The following TRPS1 variants were observed in gnomAD, a reference collection of about 807,000 sequenced individuals.
TRPS1 encodes zinc finger transcription factor Trps1.
In TRPS1, 6 loss-of-function variants were observed where a neutral mutation model predicts 101.2. That is an observed-to-expected ratio of 0.06 (90% CI 0.03 to 0.12). The LOEUF (loss-of-function observed/expected upper bound fraction) is 0.12. TRPS1 is among the 10% of genes least tolerant of loss of function. The pLI is 1.00. For synonymous variants in TRPS1, 578 were observed against 589.8 expected (o/e 0.98, Z 0.29); for missense variants, 1,363 against 1,567.0 (o/e 0.87, Z 2.20).
intron 1 of TRPS1, among the ~76,000 whole-genome samples, chr8:115,650,766 G>A (rs1811540942): frequency 1.3e-5 from 2 of 152,148 alleles, no homozygotes; most frequent in African/African-American, 4.8e-5. Context: ...TATCACTGAG[G>A]GAAACGTGAA....
intron 5 of TRPS1, among the ~76,000 whole-genome samples, chr8:115,455,980 T>C (rs906877102): frequency 6.6e-6 from 1 of 151,896 alleles, no homozygotes; most frequent in Non-Finnish European, 1.5e-5. Context: ...GAGACAGGGT[T>C]TCACCGTGTT....
intron 5 of TRPS1, among the ~76,000 whole-genome samples, chr8:115,558,617 T>A (rs1349356633): frequency 6.6e-6 from 1 of 152,216 alleles, no homozygotes; most frequent in African/African-American, 2.4e-5. Context: ...GATTTATATC[T>A]TCCCATTATT....
chr8:115,445,800 C>A (rs1813717904), intron 5 of TRPS1, among the ~76,000 whole-genome samples: 1 of 151,982 alleles, frequency 6.6e-6, no homozygotes, highest in Admixed American at 6.6e-5. Context: ...TAAGGTAATA[C>A]CTTATTGTTG....
intron 5 of TRPS1, among the ~76,000 whole-genome samples, chr8:115,537,748 A>T (rs757767958): frequency 6.6e-5 from 10 of 151,784 alleles, no homozygotes; most frequent in Admixed American, 6.5e-4. Context: ...TTTCAAAAAC[A>T]AAAAATCCAG....
chr8:115,618,881 A>G (rs754913737), intron 3 of TRPS1, among the ~76,000 whole-genome samples: 7 of 152,210 alleles, frequency 4.6e-5, no homozygotes, highest in Non-Finnish European at 1.0e-4. Flanking sequence ...AAGCTTAGCT[A>G]ATTCCATGAA....
At chr8:115,644,351 T>A (rs556575156) in intron 1 of TRPS1, among the ~76,000 whole-genome samples, 1 of 152,338 alleles carries the variant, frequency 6.6e-6, no homozygotes, top group African/African-American at 2.4e-5. Flanking sequence ...TGCTTCACCT[T>A]GTACTTTTAT....
At chr8:115,646,740 C>T (rs908918184) in intron 1 of TRPS1, among the ~76,000 whole-genome samples, 1 of 152,074 alleles carries the variant, frequency 6.6e-6, no homozygotes, top group African/African-American at 2.4e-5. Flanking sequence ...TGACGGCAAA[C>T]TGTAGTTATT....
chr8:115,622,398 C>A (rs1340236468), intron 2 of TRPS1, among the ~76,000 whole-genome samples: 1 of 151,944 alleles, frequency 6.6e-6, no homozygotes, highest in African/African-American at 2.4e-5. Context: ...ACTAAATGAG[C>A]AAACTGAAAA....
intron 4 of TRPS1, among the ~76,000 whole-genome samples, chr8:115,589,715 G>A (rs1817639800): frequency 6.6e-6 from 1 of 152,124 alleles, no homozygotes; most frequent in Admixed American, 6.5e-5. Context: ...CCAATGTCAA[G>A]GCCAGAAAAT....
chr8:115,646,606 C>T (rs1348183903), intron 1 of TRPS1, among the ~76,000 whole-genome samples: 1 of 152,142 alleles, frequency 6.6e-6, no homozygotes, highest in African/African-American at 2.4e-5. Flanking sequence ...ACTTGCTCCT[C>T]CAGCCATGAG....
chr8:115,542,063 G>A (rs1039842770), intron 5 of TRPS1, among the ~76,000 whole-genome samples: 2 of 152,160 alleles, frequency 1.3e-5, no homozygotes, highest in Non-Finnish European at 2.9e-5. Flanking sequence ...GAAGAGAAAT[G>A]CAAGATATGG....
At chr8:115,623,556 A>G (rs769412383) in intron 2 of TRPS1, 45 bp downstream of exon 2, 1 of 1,604,856 alleles carries the variant, frequency 6.2e-7, no homozygotes, top group Non-Finnish European at 8.5e-7. Context: ...GTGTGCCAAG[A>G]ACTTTTCCAG....
At chr8:115,522,507 T>C (rs185945747) in intron 5 of TRPS1, among the ~76,000 whole-genome samples, 12 of 152,176 alleles carry the variant, frequency 7.9e-5, no homozygotes, top group Admixed American at 1.3e-4. Context: ...GGTCGCTTTA[T>C]AATATGAAAA....
rs201453542 is a variant in TRPS1 at position 115,603,882 on chromosome 8, C to T, written c.2087G>A (p.Arg696Gln). ...FITQVEEEIS[R>Q]HYRRAHSCYK... Reference sequence around the variant, plus strand: ...ACCCCCCATGCCTCACCTGTAGTGTCGGGAAATCTCTTCTTCCACTTGGGT... The same window carrying T: ...ACCCCCCATGCCTCACCTGTAGTGTTGGGAAATCTCTTCTTCCACTTGGGT... Residue 696 changes from arginine (R) to glutamine (Q), a missense_variant, in exon 4 of 7, where the codon CGA (arginine) becomes CAA (glutamine). Arg to Gln is a conservative substitution (Grantham distance 43, BLOSUM62 1). This residue lies in a region of TRPS1 where 1,020 missense variants were observed against 1,073.0 expected (regional missense o/e 0.95). Transcript: ENST00000395715. 4.0e-5 allele frequency: 64 copies of T among 1,613,740 alleles called. No individual in the cohort carries two copies. Among genetic ancestry groups the T allele is most frequent in the African/African-American group, 1.2e-4 (9 of 74,882 alleles).
chr8:115,432,900 T>C (rs1813356673), intron 5 of TRPS1, among the ~76,000 whole-genome samples: 1 of 151,986 alleles, frequency 6.6e-6, no homozygotes, highest in Non-Finnish European at 1.5e-5. Context: ...GACTTTTTTT[T>C]TTTCTTAATG....
chr8:115,642,747 C>CA (rs1370530457), intron 1 of TRPS1, among the ~76,000 whole-genome samples: 1 of 150,386 alleles, frequency 6.6e-6, no homozygotes, highest in African/African-American at 2.4e-5. Flanking sequence ...CTAACCCCAG[C>CA]AAAAACATTA....
chr8:115,594,136 A>G (rs751201666), intron 4 of TRPS1, among the ~76,000 whole-genome samples: 6 of 152,156 alleles, frequency 3.9e-5, no homozygotes, highest in South Asian at 2.1e-4. Context: ...TGCAGATGGC[A>G]TATTTTGAGT....
intron 5 of TRPS1, among the ~76,000 whole-genome samples, chr8:115,585,369 C>A (rs1443105022): frequency 6.6e-6 from 1 of 152,134 alleles, no homozygotes; most frequent in East Asian, 1.9e-4. Context: ...TAAACAATGG[C>A]AGAAAAGGTA....
chr8:115,515,063 A>C, intron 5 of TRPS1: 1 of 571,628 alleles, frequency 1.7e-6, no homozygotes, highest in Non-Finnish European at 3.1e-6. Flanking sequence ...TGTGTAAGAA[A>C]AATTTGTTGA....
Sources: allele counts gnomAD v4.1 joint callset (sites outside exome capture counted in the v4.1 genomes callset), GRCh38; gene constraint gnomAD v4.1.1; regional missense constraint gnomAD v4.1.1; transcripts MANE v1.5; gene names NCBI Gene and HGNC (gene_info 2026-07-23, HGNC 2026-07-21).